The following CFAP44 variants were observed in gnomAD, a reference collection of about 807,000 sequenced individuals.
CFAP44 encodes cilia- and flagella-associated protein 44.
In CFAP44, 134 loss-of-function variants were observed where a neutral mutation model predicts 216.2. The ratio of observed to expected loss-of-function variants is 0.62; its 90% CI spans 0.54 to 0.72. The LOEUF is 0.72. Among genes scored for constraint, CFAP44 ranks in the 30% least tolerant of loss-of-function variants. The pLI is 0.00. For synonymous variants in CFAP44, 700 were observed against 727.6 expected (o/e 0.96, Z 0.61); for missense variants, 2,035 against 2,182.1 (o/e 0.93, Z 1.34).
At chr3:113,433,901 T>C in intron 1 of CFAP44, 1 of 350,152 alleles carries the variant, frequency 2.9e-6, no homozygotes, top group African/African-American at 2.0e-5. Flanking sequence ...TAAATTGTCA[T>C]TGTGGTGCAC....
At chr3:113,371,067 A>C (rs965265581) in intron 18 of CFAP44, among the ~76,000 whole-genome samples, 5 of 152,216 alleles carry the variant, frequency 3.3e-5, no homozygotes, top group Non-Finnish European at 5.9e-5. Context: ...ACCACTGCTC[A>C]ATGAAATAAA....
chr3:113,357,841 GTATA>G (rs1950504970), intron 22 of CFAP44, among the ~76,000 whole-genome samples: 1 of 152,078 alleles, frequency 6.6e-6, no homozygotes, highest in Non-Finnish European at 1.5e-5. Context: ...CCACAACTGA[GTATA>G]TAACCAACAG....
At chr3:113,317,274 G>C (rs959438895) in intron 28 of CFAP44, among the ~76,000 whole-genome samples, 2 of 152,244 alleles carry the variant, frequency 1.3e-5, no homozygotes, top group Non-Finnish European at 2.9e-5. Flanking sequence ...TGGATCCCGA[G>C]TGCCTTTGTG....
intron 28 of CFAP44, among the ~76,000 whole-genome samples, chr3:113,319,612 A>G (rs896984793): frequency 2.0e-5 from 3 of 151,632 alleles, no homozygotes; most frequent in South Asian, 4.2e-4. Context: ...AGAACACTCA[A>G]TCCAACAACT....
chr3:113,363,275 T>C lies in CFAP44; in HGVS notation c.2804A>G (p.Asp935Gly), dbSNP rs1950558582. The C allele has an allele frequency of 6.2e-7, 1 of 1,612,258 alleles. No individual in the cohort carries two copies. The highest frequency in any genetic ancestry group is 8.5e-7 in the Non-Finnish European group (1 of 1,179,584). The change falls in exon 21 of 35, where the codon GAC (aspartate) becomes GGC (glycine). Residue 935 changes from aspartate (D) to glycine (G), a missense_variant. Asp to Gly is a moderately conservative substitution (Grantham distance 94). Around this residue, in one of 3 missense-constraint regions of CFAP44, gnomAD observed 1,883 missense variants for 2,023.7 expected, o/e 0.93. Transcript: ENST00000393845. ...IENARRKREH[D>G]KLMKEVGEIK... The stretch of plus-strand genomic sequence containing the variant: ...TTCTCCCACTTCTTTCATTAACTTG[T>C]CATGTTCTCTTTTTCTCCTAGCATT...
chr3:113,426,049 T>C (rs1934950694), intron 4 of CFAP44, 75 bp downstream of exon 4: 6 of 1,538,148 alleles, frequency 3.9e-6, no homozygotes, highest in Non-Finnish European at 5.3e-6. Flanking sequence ...TTGGGCTCCC[T>C]GGGCTATAGT....
At chr3:113,359,149 T>C (rs764811390) in intron 21 of CFAP44, among the ~76,000 whole-genome samples, 6 of 152,200 alleles carry the variant, frequency 3.9e-5, no homozygotes, top group Non-Finnish European at 8.8e-5. Context: ...TTGGAGAGTA[T>C]ACAGTTTTAA....
At chr3:113,328,578 T>C (rs1487313193) in intron 26 of CFAP44, among the ~76,000 whole-genome samples, 5 of 151,274 alleles carry the variant, frequency 3.3e-5, no homozygotes, top group Admixed American at 2.6e-4. Flanking sequence ...AGTTTGTACA[T>C]GATAGGTGGC....
chr3:113,346,309 GCT>G (rs1207545953), intron 22 of CFAP44, among the ~76,000 whole-genome samples: 2 of 149,798 alleles, frequency 1.3e-5, no homozygotes, highest in African/African-American at 4.9e-5. Flanking sequence ...ACCAATCAGC[GCT>G]CTGTGTCTAG....
At chr3:113,381,708 C>G (rs901688333) in intron 15 of CFAP44, among the ~76,000 whole-genome samples, 3 of 152,186 alleles carry the variant, frequency 2.0e-5, no homozygotes, top group African/African-American at 7.2e-5. Context: ...TTTACAGATA[C>G]TTTATTTGAA....
intron 7 of CFAP44, among the ~76,000 whole-genome samples, chr3:113,407,779 G>C (rs1035879432): frequency 1.3e-5 from 2 of 152,156 alleles, no homozygotes; most frequent in African/African-American, 4.8e-5. Context: ...ATATAAAATA[G>C]ATAATGGAGA....
intron 28 of CFAP44, among the ~76,000 whole-genome samples, chr3:113,318,823 C>T (rs1950114008): frequency 6.6e-6 from 1 of 152,008 alleles, no homozygotes. Context: ...CACATCCTGC[C>T]ATACTGTTTC....
intron 19 of CFAP44, 23 bp from the exon 20 acceptor site, chr3:113,363,555 T>C: frequency 6.4e-7 from 1 of 1,574,656 alleles, no homozygotes; most frequent in Non-Finnish European, 8.6e-7. Context: ...AAGTAAAAGG[T>C]TAGCCCTTTA....
At chr3:113,301,453 TG>T (rs1303900030) in intron 32 of CFAP44, among the ~76,000 whole-genome samples, 1 of 152,076 alleles carries the variant, frequency 6.6e-6, no homozygotes, top group Non-Finnish European at 1.5e-5. Flanking sequence ...GTTGGGTGGG[TG>T]GGTTCATTCT....
rs80077295 is a variant in CFAP44 at position 113,294,665 on chromosome 3, G to A, written c.5373+22C>T. ...CAGAGCTTCCTCAATTCCGAAAAAGGGTCTGAAGGTAAAGAACATACCTGC... is the reference window on the plus strand; with the variant it reads ...CAGAGCTTCCTCAATTCCGAAAAAGAGTCTGAAGGTAAAGAACATACCTGC... On this transcript the variant is annotated intron_variant, in intron 34 of 34. Transcript: ENST00000393845. The A allele has an allele frequency of 2.7e-5, 40 of 1,499,438 alleles. No individual in the cohort carries two copies. In the East Asian group the frequency reaches 9.5e-4, roughly 35 times the overall value. The allele number at this position is 1,499,438 out of a possible 1,614,324, so 92.9% of individuals were successfully genotyped here. A position where few individuals can be genotyped will look rare whatever the true frequency, so the allele number is the denominator to read the frequency against.
rs372953998 is a variant in CFAP44, at chr3:113,305,167, G to A, written c.4759-15C>T. On this transcript the variant is annotated splice_polypyrimidine_tract_variant and intron_variant, in intron 30 of 34. Coordinates refer to ENST00000393845, the MANE Select transcript of CFAP44 (RefSeq NM_001164496.2). Reference sequence around the variant, plus strand: ...ACAATTTTCACCTGTAGAAAGCCCCGTGTTGTGAAATGGTGACAAGACTCA... The same window carrying A: ...ACAATTTTCACCTGTAGAAAGCCCCATGTTGTGAAATGGTGACAAGACTCA... 4.1e-5 allele frequency: 63 copies of A among 1,532,590 alleles called. No homozygotes were observed. The highest frequency in any genetic ancestry group is 2.3e-4 in the African/African-American group (17 of 72,918). The allele number at this position is 1,532,590 out of a possible 1,614,324, so 94.9% of individuals were successfully genotyped here.
chr3:113,356,149 T>A (rs1950490690), intron 22 of CFAP44, among the ~76,000 whole-genome samples: 1 of 149,920 alleles, frequency 6.7e-6, no homozygotes, highest in Non-Finnish European at 1.5e-5. Context: ...TGACTAATAA[T>A]AAATACATAT....
Position 113,427,296 on chromosome 3 carries a change from A to T in CFAP44, c.144T>A (p.Asp48Glu). 1.2e-6 allele frequency: 2 copies of T among 1,612,072 alleles called. No homozygotes were observed. The highest frequency in any genetic ancestry group is 3.3e-5 in the Admixed American group (2 of 59,716). ...EDNTFLEDDT[D>E]ETFTKGEGSY... ...ATCCTTCCCCTTTGGTAAATGTTTCATCTGTGTCATCTTCTAAAAATGTGT... is the reference window on the plus strand; with the variant it reads ...ATCCTTCCCCTTTGGTAAATGTTTCTTCTGTGTCATCTTCTAAAAATGTGT... Residue 48 changes from aspartate (D) to glutamate (E), a missense_variant, in exon 3 of 35, where the codon GAT becomes GAA. Transcript: ENST00000393845.
At chr3:113,431,006 T>A (rs931728010) in intron 2 of CFAP44, among the ~76,000 whole-genome samples, 3 of 152,114 alleles carry the variant, frequency 2.0e-5, no homozygotes, top group African/African-American at 7.2e-5. Context: ...AAACCTCTTG[T>A]TAAGTATGGG....
Sources: allele counts gnomAD v4.1 joint callset (sites outside exome capture counted in the v4.1 genomes callset), GRCh38; gene constraint gnomAD v4.1.1; regional missense constraint gnomAD v4.1.1; transcripts MANE v1.5; gene names NCBI Gene and HGNC (gene_info 2026-07-23, HGNC 2026-07-21).